ARSD: variants seen among roughly 807,000 people sequenced by gnomAD.
The protein encoded by ARSD is arylsulfatase D.
ARSD carries 21 observed loss-of-function variants against 32.6 expected under a neutral mutation model. The ratio of observed to expected loss-of-function variants is 0.64; its 90% CI spans 0.46 to 0.93. The LOEUF is 0.93. ARSD is among the 40% of genes least tolerant of loss of function. The probability of loss-of-function intolerance (pLI) is 0.00; values close to 1 mark genes in which losing one functional copy is unlikely to be tolerated. For missense variants in ARSD, 454 were observed against 520.9 expected (o/e 0.87, Z 1.25); for synonymous variants, 224 against 237.4 (o/e 0.94, Z 0.52).
In ARSD at chrX:2,907,366, A is replaced by C; in HGVS notation, c.1687T>G (p.Ser563Ala). Reference sequence around the variant, plus strand: ...GGCTTCCACAGGATGTTGCTCATGGAAAACTGCTGGGGCACAGGACTCAGG... The same window carrying C: ...GGCTTCCACAGGATGTTGCTCATGGCAAACTGCTGGGGCACAGGACTCAGG... ...QTLSPVPQQF[S>A]MSNILWKPWL... Residue 563 changes from serine (S) to alanine (A), a missense_variant, in exon 10 of 10, where the codon TCC becomes GCC. Coordinates refer to ENST00000381154, the MANE Select transcript of ARSD (RefSeq NM_001669.4). 4.1e-6 allele frequency: 5 copies of C among 1,212,177 alleles called. No homozygotes were observed. The highest frequency in any genetic ancestry group is 4.5e-6 in the Non-Finnish European group (4 of 895,612).
rs2089126656 is a variant in ARSD, at chrX:2,929,242, G to C, written c.34C>G (p.Pro12Ala). ...RSAARRGRAAPAARDSLPVLL... is the reference protein window; with the variant it reads ...RSAARRGRAAAAARDSLPVLL... ...CGGGGTCCCAGGCACCTGGCGGCGG[G>C]CGCGGCGCGTCCCCTCCGCGCGGCG... Residue 12 changes from proline (P) to alanine (A), a missense_variant, in exon 1 of 10, where the codon CCC becomes GCC. Coordinates refer to ENST00000381154, the MANE Select transcript of ARSD (RefSeq NM_001669.4). 1 of 1,035,828 alleles carries C rather than the reference G, an allele frequency of 9.7e-7. No individual in the cohort carries two copies. The allele number at this position is 1,035,828 out of a possible 1,213,427, so 85.4% of individuals were successfully genotyped here. A position where few individuals can be genotyped will look rare whatever the true frequency, so the allele number is the denominator to read the frequency against.
Position 2,915,622 on chromosome X carries a change from C to T in ARSD, c.934G>A (p.Ala312Thr). ...CCATGCTGACTTTTCCCCAGGAATG[C>T]ACTCGTGGTCACAAGGGGAATGTGC... is the stretch of plus-strand genomic sequence containing the variant. ...HVHIPLVTTS[A>T]FLGKSQHGLY... Residue 312 changes from alanine (A) to threonine (T), a missense_variant, in exon 6 of 10, where the codon GCA becomes ACA. Coordinates refer to ENST00000381154, the MANE Select transcript of ARSD (RefSeq NM_001669.4). 8.3e-7 allele frequency: 1 copy of T among 1,211,034 alleles called. No homozygotes were observed. The highest frequency in any genetic ancestry group is 1.1e-6 in the Non-Finnish European group (1 of 894,918).
At chrX:2,907,687 G>A (rs1162634286) in intron 9 of ARSD, 55 bp from the exon 10 acceptor site, 5 of 1,086,010 alleles carry the variant, frequency 4.6e-6, no homozygotes, top group Non-Finnish European at 6.0e-6. Flanking sequence ...AGGTGTGAAC[G>A]CAGAACGCAG....
intron 4 of ARSD, 177 bp downstream of exon 4, chrX:2,920,424 G>T: frequency 1.9e-6 from 1 of 521,553 alleles, no homozygotes; most frequent in Non-Finnish European, 3.2e-6. Flanking sequence ...AGACTGGAGT[G>T]CAGTGGTGTG....
rs1475917727 is a variant in ARSD, at chrX:2,907,341, G to A, written c.1712C>T (p.Pro571Leu). 16 of 1,210,640 alleles carry A rather than the reference G, an allele frequency of 1.3e-5. No homozygotes were observed. The highest frequency in any genetic ancestry group is 8.8e-5 in the South Asian group (5 of 56,843). Residue 571 changes from proline (P) to leucine (L), a missense_variant, in exon 10 of 10, where the codon CCG becomes CTG. Coordinates refer to ENST00000381154, the MANE Select transcript of ARSD (RefSeq NM_001669.4). Reference sequence around the variant, plus strand: ...ATGTCCGCAGCACGGCTGCAGCCACGGCTTCCACAGGATGTTGCTCATGGA... The same window carrying A: ...ATGTCCGCAGCACGGCTGCAGCCACAGCTTCCACAGGATGTTGCTCATGGA... The part of the protein sequence containing the change: ...QFSMSNILWK[P>L]WLQPCCGHFP...
chrX:2,921,068 C>G (rs983480631), intron 3 of ARSD, among the ~76,000 whole-genome samples: 3 of 111,406 alleles, frequency 2.7e-5, no homozygotes, highest in Non-Finnish European at 5.7e-5. Flanking sequence ...GCTCAAGACC[C>G]TACATACAGT....
intron 9 of ARSD, chrX:2,908,056 CTATT>C: frequency 5.7e-6 from 3 of 523,539 alleles, no homozygotes; most frequent in Non-Finnish European, 7.0e-6. Context: ...ACCTATTTAT[CTATT>C]TATCTATCAA....
Position 2,920,697 on chromosome X carries a change from C to T in ARSD, c.343G>A (p.Ala115Thr). 2.5e-6 allele frequency: 3 copies of T among 1,211,693 alleles called. No individual in the cohort carries two copies. Among genetic ancestry groups the T allele is most frequent in the Non-Finnish European group, 3.4e-6 (3 of 895,501 alleles). ...SGMDASNGYR[A>T]LQWNAGSGGL... ...CCTGAGCCTGCGTTCCACTGAAGGG[C>T]CCGGTATCCATTGCTGGCGTCCATG... The change falls in exon 4 of 10, where the codon GCC becomes ACC. Residue 115 changes from alanine to threonine, a missense_variant. By Grantham distance (58) the Ala-to-Thr change is moderately conservative. Around this residue, in one of 3 missense-constraint regions of ARSD, gnomAD observed 271 missense variants for 301.0 expected, o/e 0.90. Coordinates refer to ENST00000381154, the MANE Select transcript of ARSD (RefSeq NM_001669.4).
rs772869701 is a variant in ARSD at position 2,925,648 on chromosome X, C to T, written c.162G>A (p.Gly54=). The change falls in exon 2 of 10, where the codon GGG becomes GGA. Residue 54 remains glycine, a synonymous_variant. Transcript: ENST00000381154. ...LLIMADDLGT[G]DLGCYGNNTL... is the part of the protein sequence containing the mutation. ...TATTGTTCCCGTAGCAACCGAGATC[C>T]CCAGTGCCTAGATCATCCGCCATGA... is the stretch of plus-strand genomic sequence containing the variant. The T allele has an allele frequency of 8.3e-7, 1 of 1,210,701 alleles. No individual in the cohort carries two copies. Among genetic ancestry groups the T allele is most frequent in the Non-Finnish European group, 1.1e-6 (1 of 895,093 alleles).
intron 4 of ARSD, among the ~76,000 whole-genome samples, chrX:2,919,203 G>A (rs1212815788): frequency 2.1e-5 from 1 of 47,409 alleles, no homozygotes; most frequent in Non-Finnish European, 3.2e-5. Context: ...AACTTGAAAA[G>A]GAGGAACAAT....
At chrX:2,910,951 G>C (rs1175800523) in intron 6 of ARSD, among the ~76,000 whole-genome samples, 158 bp from the exon 7 acceptor site, 3 of 112,419 alleles carry the variant, frequency 2.7e-5, no homozygotes, top group Non-Finnish European at 5.6e-5. Context: ...ATCCCAAAGT[G>C]TAAGACATAG....
chrX:2,918,673 G>C (rs1027136269), intron 4 of ARSD, among the ~76,000 whole-genome samples: 8 of 111,328 alleles, frequency 7.2e-5, no homozygotes, highest in African/African-American at 2.6e-4. Flanking sequence ...CTGGGAGGCG[G>C]AGCTTACAGT....
In ARSD at chrX:2,915,570, A is replaced by G. The variant is rs2088949511; in HGVS notation, c.986T>C (p.Met329Thr). Residue 329 changes from methionine (M) to threonine (T), a missense_variant, in exon 6 of 10, where the codon ATG becomes ACG. Around this residue, in one of 3 missense-constraint regions of ARSD, gnomAD observed 271 missense variants for 301.0 expected, o/e 0.90. Transcript: ENST00000381154. ...CCTTGACTTACCTATGAGCCAGTCC[A>G]TCTCCTCCACATTATCACCATATAA... ...HGLYGDNVEEMDWLIGKVLNA... is the reference protein window; with the variant it reads ...HGLYGDNVEETDWLIGKVLNA... 1 of 1,211,493 alleles carries G rather than the reference A, an allele frequency of 8.3e-7. No individual in the cohort carries two copies. Among genetic ancestry groups the G allele is most frequent in the Non-Finnish European group, 1.1e-6 (1 of 895,252 alleles).
chrX:2,909,807 C>T lies in ARSD; in HGVS notation c.1298+10G>A. 1 of 1,159,628 alleles carries T rather than the reference C, an allele frequency of 8.6e-7. No homozygotes were observed. Among genetic ancestry groups the T allele is most frequent in the African/African-American group, 1.8e-5 (1 of 55,815 alleles). Reference sequence around the variant, plus strand: ...AAAATCAGGGAACAGGCAGCCTTATCTCCACGTACCTGTCCTGGGGCACCT... The same window carrying T: ...AAAATCAGGGAACAGGCAGCCTTATTTCCACGTACCTGTCCTGGGGCACCT... On this transcript the variant is annotated intron_variant, in intron 8 of 9. Coordinates refer to ENST00000381154, the MANE Select transcript of ARSD (RefSeq NM_001669.4).
At position 2,918,031 on chromosome X, in the gene ARSD, G is replaced by A. The variant is rs1165192962; in HGVS notation, c.636C>T (p.Leu212=). The stretch of plus-strand genomic sequence containing the variant: ...CGCAGGTCTGGCCGGCAGCCAGGGT[G>A]AGAATCCCCAGCGCCAGGAACTGGG... The part of the protein sequence containing the change: ...GYTQFLALGI[L]TLAAGQTCGF... The change falls in exon 5 of 10, where the codon CTC becomes CTT. Residue 212 remains leucine, a synonymous_variant. Coordinates refer to ENST00000381154, the MANE Select transcript of ARSD (RefSeq NM_001669.4). 1 of 1,205,424 alleles carries A rather than the reference G, an allele frequency of 8.3e-7. No homozygotes were observed. The highest frequency in any genetic ancestry group is 1.8e-5 in the South Asian group (1 of 56,006).
chrX:2,908,060 TTATC>T (rs1441056430), intron 9 of ARSD: 11 of 523,340 alleles, frequency 2.1e-5, no homozygotes, highest in South Asian at 1.0e-4. Context: ...ATTTATCTAT[TTATC>T]TATCAATCCA....
In ARSD at chrX:2,917,959, C is replaced by T; in HGVS notation, c.708G>A (p.Val236=). 1 of 1,211,688 alleles carries T rather than the reference C, an allele frequency of 8.3e-7. No individual in the cohort carries two copies. The highest frequency in any genetic ancestry group is 1.1e-6 in the Non-Finnish European group (1 of 895,311). The change falls in exon 5 of 10, where the codon GTG becomes GTA. Residue 236 remains valine (V), a synonymous_variant. Coordinates refer to ENST00000381154, the MANE Select transcript of ARSD (RefSeq NM_001669.4). ...ACCAAGAGATGAAAAACAGGCAGCCCACGCCGGCCATGCCGGTGACTGCTC... is the reference window on the plus strand; with the variant it reads ...ACCAAGAGATGAAAAACAGGCAGCCTACGCCGGCCATGCCGGTGACTGCTC... ...SARAVTGMAG[V]GCLFFISWYS... is the part of the protein sequence containing the mutation.
At chrX:2,928,319 G>C (rs1439574448) in intron 1 of ARSD, among the ~76,000 whole-genome samples, 1 of 88,900 alleles carries the variant, frequency 1.1e-5, no homozygotes, top group Non-Finnish European at 2.2e-5. Flanking sequence ...ACCGGGGTAG[G>C]CACGGCGGTG....
intron 6 of ARSD, chrX:2,914,495 C>T: frequency 1.1e-6 from 1 of 882,326 alleles, no homozygotes; most frequent in Non-Finnish European, 1.4e-6. Context: ...CTGCCTTAGC[C>T]TCCCAAAATG....
Sources: allele counts gnomAD v4.1 joint callset (sites outside exome capture counted in the v4.1 genomes callset), GRCh38; gene constraint gnomAD v4.1.1; regional missense constraint gnomAD v4.1.1; transcripts MANE v1.5; gene names NCBI Gene and HGNC (gene_info 2026-07-23, HGNC 2026-07-21).